TMTC3: variants seen among roughly 807,000 people sequenced by gnomAD.
TMTC3 encodes transmembrane O-mannosyltransferase targeting cadherins 3.
A neutral mutation model predicts 92.2 loss-of-function variants in TMTC3; 52 were observed. The ratio of observed to expected loss-of-function variants is 0.56; its 90% CI spans 0.45 to 0.71. TMTC3 has a LOEUF of 0.71. Among genes scored for constraint, TMTC3 ranks in the 30% least tolerant of loss-of-function variants. The probability of loss-of-function intolerance (pLI) is 0.00; values close to 1 mark genes in which losing one functional copy is unlikely to be tolerated. For synonymous variants in TMTC3, 339 were observed against 363.3 expected (o/e 0.93, Z 0.76); for missense variants, 896 against 1,057.1 (o/e 0.85, Z 2.11).
rs1030225814 is a variant in TMTC3 at position 88,154,304 on chromosome 12, G to A, written c.425G>A (p.Gly142Glu). ...IHTEAVTGVV[G>E]RAELLSSIFF... ...CCTTTCTAGGTAACAGGAGTTGTTG[G>A]AAGAGCAGAACTTTTGTCATCTATC... is the stretch of plus-strand genomic sequence containing the variant. The change falls in exon 4 of 14, where the codon GGA becomes GAA. Residue 142 changes from glycine to glutamate, a missense_variant. Gly to Glu is a moderately conservative substitution (Grantham distance 98). Coordinates refer to ENST00000266712, the MANE Select transcript of TMTC3 (RefSeq NM_181783.4). 3.1e-6 allele frequency: 5 copies of A among 1,604,876 alleles called. No homozygotes were observed. The highest frequency in any genetic ancestry group is 4.2e-6 in the Non-Finnish European group (5 of 1,177,354).
At chr12:88,172,415 G>A (rs1338431704) in intron 7 of TMTC3, among the ~76,000 whole-genome samples, 182 bp from the exon 8 acceptor site, 1 of 151,672 alleles carries the variant, frequency 6.6e-6, no homozygotes, top group Non-Finnish European at 1.5e-5. Context: ...TGTCTAAGTT[G>A]CCTTCTTTAT....
At chr12:88,186,849 T>C (rs997469819) in intron 10 of TMTC3, among the ~76,000 whole-genome samples, 2 of 152,132 alleles carry the variant, frequency 1.3e-5, no homozygotes. Context: ...TTTGAAAACA[T>C]AGGGCTGCTA....
chr12:88,194,223 A>G (rs1472129944), intron 13 of TMTC3, among the ~76,000 whole-genome samples: 1 of 152,136 alleles, frequency 6.6e-6, no homozygotes, highest in East Asian at 1.9e-4. Flanking sequence ...CCCTGTCTCA[A>G]AAAAAAGAAG....
intron 10 of TMTC3, among the ~76,000 whole-genome samples, chr12:88,181,734 C>T (rs1458724958): frequency 1.3e-5 from 2 of 151,784 alleles, no homozygotes; most frequent in South Asian, 2.1e-4. Flanking sequence ...TATTGATAAG[C>T]TGAGCAGAAA....
In TMTC3 at chr12:88,194,864, A is replaced by G; in HGVS notation, c.1960A>G (p.Arg654Gly). The change falls in exon 14 of 14, where the codon AGA becomes GGA. Residue 654 changes from arginine to glycine, a missense_variant. Physicochemically the swap from Arg to Gly is moderately radical, Grantham distance 125. Transcript: ENST00000266712. ...TGAGGTTAAACTCAGACCTGAAGCTAGAAAACGACTTCTAAGTTATATAAA... is the reference window on the plus strand; with the variant it reads ...TGAGGTTAAACTCAGACCTGAAGCTGGAAAACGACTTCTAAGTTATATAAA... Reference protein sequence around the residue: ...SGEVKLRPEARKRLLSYINEE... With the variant: ...SGEVKLRPEAGKRLLSYINEE... 2 of 1,600,756 alleles carry G rather than the reference A, an allele frequency of 1.2e-6. No individual in the cohort carries two copies. The highest frequency in any genetic ancestry group is 8.5e-7 in the Non-Finnish European group (1 of 1,174,934).
In TMTC3 at chr12:88,148,821, G is replaced by A. The variant is rs76696917; in HGVS notation, c.189+317G>A. Among the ~76,000 whole-genome samples the A allele has an allele frequency of 4.5e-4, 68 of 151,886 alleles. 2 individuals are homozygous for A. The East Asian group carries it at 0.012, about 27-fold the overall frequency. On this transcript the variant is annotated intron_variant, in intron 2 of 13. Coordinates refer to ENST00000266712, the MANE Select transcript of TMTC3 (RefSeq NM_181783.4). ...ATATTGCGTTATGCTGATGTTTGGG[G>A]TACCAATCTGTCACCCAGACAGCGA...
At chr12:88,175,369 A>T (rs892511308) in intron 9 of TMTC3, among the ~76,000 whole-genome samples, 1 of 152,214 alleles carries the variant, frequency 6.6e-6, no homozygotes, top group Admixed American at 6.5e-5. Context: ...GCTCTCCCTT[A>T]CCAGTACCCC....
intron 8 of TMTC3, 110 bp from the exon 9 acceptor site, chr12:88,174,497 A>G: frequency 8.1e-7 from 1 of 1,228,650 alleles, no homozygotes; most frequent in South Asian, 1.6e-5. Flanking sequence ...ATAAATTAAC[A>G]TATGATATTT....
intron 1 of TMTC3, 31 bp from the exon 2 acceptor site, chr12:88,148,257 C>A: frequency 1.4e-6 from 2 of 1,388,664 alleles, no homozygotes; most frequent in Non-Finnish European, 9.9e-7. Flanking sequence ...TAAATATGTT[C>A]CTTATTTTAT....
intron 3 of TMTC3, 127 bp downstream of exon 3, chr12:88,153,636 A>T (rs1351266487): frequency 3.7e-6 from 2 of 539,698 alleles, no homozygotes; most frequent in Non-Finnish European, 6.3e-6. Context: ...ATATTTGAAG[A>T]CTCTTAAATT....
At chr12:88,161,436 A>C (rs144552276) in intron 6 of TMTC3, among the ~76,000 whole-genome samples, 1 of 152,120 alleles carries the variant, frequency 6.6e-6, no homozygotes, top group Non-Finnish European at 1.5e-5. Context: ...TTACCTGTCT[A>C]TGCTTTTATT....
chr12:88,173,137 C>G, intron 8 of TMTC3: 1 of 1,169,248 alleles, frequency 8.6e-7, no homozygotes, highest in South Asian at 1.6e-5. Context: ...AGTAAGCAAT[C>G]TGTAATTTCT....
rs139448114 is a variant in TMTC3, at chr12:88,176,242, T to C, written c.1355T>C (p.Val452Ala). 2 of 1,611,722 alleles carry C rather than the reference T, an allele frequency of 1.2e-6. No individual in the cohort carries two copies. The highest frequency in any genetic ancestry group is 1.7e-6 in the Non-Finnish European group (2 of 1,178,874). ...AATAATGCCAAACTTTGGAATAATG[T>C]GGGTCATGCTCTGGAAAATGAAAAG... ...NKNNAKLWNNVGHALENEKNF... is the reference protein window; with the variant it reads ...NKNNAKLWNNAGHALENEKNF... The change falls in exon 10 of 14, where the codon GTG becomes GCG. Residue 452 changes from valine (V) to alanine (A), a missense_variant. By Grantham distance (64) the Val-to-Ala change is moderately conservative. Transcript: ENST00000266712.
At position 88,199,040 on chromosome 12, in the gene TMTC3, T is replaced by C. The variant is rs2041550221; in HGVS notation, c.*3391T>C. 5.3e-5 allele frequency: 3 copies of C among 57,048 alleles called. No individual in the cohort carries two copies. Among genetic ancestry groups the C allele is most frequent in the Non-Finnish European group, 1.3e-4 (3 of 22,318 alleles). 3.5% of individuals were successfully genotyped at this position (57,048 alleles called of 1,614,324 possible). ...TACTTCTTAAAACCATAACCTGGCT[T>C]GCCTTTTAGTGTTAAAAAAATACAA... On this transcript the variant is annotated 3_prime_UTR_variant, in exon 14 of 14. Coordinates refer to ENST00000266712, the MANE Select transcript of TMTC3 (RefSeq NM_181783.4).
At chr12:88,173,032 C>A (rs2041222560) in intron 8 of TMTC3, 3 of 1,340,268 alleles carry the variant, frequency 2.2e-6, no homozygotes, top group Non-Finnish European at 2.9e-6. Flanking sequence ...AATAAAGTCT[C>A]AAATGACCAT....
intron 5 of TMTC3, 35 bp from the exon 6 acceptor site, chr12:88,160,644 T>G: frequency 6.3e-7 from 1 of 1,583,122 alleles, no homozygotes; most frequent in Non-Finnish European, 8.7e-7. Context: ...GATATGTCGT[T>G]ATTTGTTGCT....
chr12:88,150,523 C>T (rs1482698327), intron 2 of TMTC3, among the ~76,000 whole-genome samples: 1 of 152,010 alleles, frequency 6.6e-6, no homozygotes, highest in Non-Finnish European at 1.5e-5. Context: ...TCAGAAAGCC[C>T]GTAAGCAGAT....
chr12:88,144,744 A>G (rs1173231779), intron 1 of TMTC3, among the ~76,000 whole-genome samples: 1 of 152,206 alleles, frequency 6.6e-6, no homozygotes, highest in Non-Finnish European at 1.5e-5. Flanking sequence ...ACAGCAGTGA[A>G]CAAGTCAGCT....
chr12:88,161,980 C>T (rs1241414260), intron 6 of TMTC3, among the ~76,000 whole-genome samples: 1 of 151,890 alleles, frequency 6.6e-6, no homozygotes, highest in Non-Finnish European at 1.5e-5. Flanking sequence ...CCATGAGTCA[C>T]CATTTCCAGT....
Sources: allele counts gnomAD v4.1 joint callset (sites outside exome capture counted in the v4.1 genomes callset), GRCh38; gene constraint gnomAD v4.1.1; transcripts MANE v1.5; gene names NCBI Gene and HGNC (gene_info 2026-07-23, HGNC 2026-07-21).